GPC5: variants seen among roughly 807,000 people sequenced by gnomAD.
GPC5 encodes glypican 5.
Under a neutral mutation model 53.9 loss-of-function variants are expected in GPC5, and 47 were observed. The ratio of observed to expected loss-of-function variants is 0.87; its 90% CI spans 0.69 to 1.11. The LOEUF (loss-of-function observed/expected upper bound fraction) is 1.11, where lower values mean the gene tolerates loss of function less well. GPC5 is among the 50% of genes most tolerant of loss of function. The pLI is 0.00. For missense variants in GPC5, 748 were observed against 713.1 expected (o/e 1.05, Z -0.56); for synonymous variants, 286 against 263.3 (o/e 1.09, Z -0.84).
intron 7 of GPC5, among the ~76,000 whole-genome samples, chr13:92,730,231 G>GA: frequency 6.6e-6 from 1 of 151,320 alleles, no homozygotes; most frequent in Admixed American, 6.6e-5. Flanking sequence ...AGTTTAGAGA[G>GA]AAAAATAAGT....
At chr13:92,217,756 A>G (rs1225033401) in intron 7 of GPC5, among the ~76,000 whole-genome samples, 1 of 152,044 alleles carries the variant, frequency 6.6e-6, no homozygotes, top group Non-Finnish European at 1.5e-5. Flanking sequence ...TTTACAGGCC[A>G]GTTGCCTTGA....
intron 7 of GPC5, among the ~76,000 whole-genome samples, chr13:92,212,052 C>G (rs564865792): frequency 6.6e-6 from 1 of 151,054 alleles, no homozygotes; most frequent in African/African-American, 2.4e-5. Context: ...GAGCCCTGTT[C>G]CGCAGGTGGT....
intron 7 of GPC5, among the ~76,000 whole-genome samples, chr13:92,496,702 A>G (rs911791060): frequency 1.3e-5 from 2 of 152,194 alleles, no homozygotes; most frequent in African/African-American, 4.8e-5. Flanking sequence ...GAAAAGACCC[A>G]GGACAGGAAA....
At chr13:91,917,458 C>G (rs1306578069) in intron 6 of GPC5, among the ~76,000 whole-genome samples, 1 of 152,194 alleles carries the variant, frequency 6.6e-6, no homozygotes, top group African/African-American at 2.4e-5. Context: ...CAGTAGGGTC[C>G]AAGCTGTTGG....
intron 2 of GPC5, among the ~76,000 whole-genome samples, chr13:91,492,512 C>A (rs1303406322): frequency 2.6e-5 from 4 of 152,156 alleles, no homozygotes; most frequent in Non-Finnish European, 5.9e-5. Context: ...GACAGCCTGT[C>A]TCAGCTAAAG....
At chr13:92,394,055 A>G (rs185612707) in intron 7 of GPC5, among the ~76,000 whole-genome samples, 44 of 152,186 alleles carry the variant, frequency 2.9e-4, no homozygotes, top group African/African-American at 9.4e-4. Flanking sequence ...TCAGTTTCCA[A>G]ACATCAGTGG....
intron 2 of GPC5, among the ~76,000 whole-genome samples, chr13:91,629,692 AT>A (rs2034106276): frequency 6.6e-6 from 1 of 152,154 alleles, no homozygotes; most frequent in East Asian, 1.9e-4. Flanking sequence ...CTTAAAAGGC[AT>A]TTAAACATAT....
chr13:91,636,782 C>T (rs541573532), intron 2 of GPC5, among the ~76,000 whole-genome samples: 1 of 151,970 alleles, frequency 6.6e-6, no homozygotes, highest in African/African-American at 2.4e-5. Context: ...AAGTGAGACA[C>T]TGTCCCTGCA....
At chr13:92,220,754 A>G (rs2042442875) in intron 7 of GPC5, among the ~76,000 whole-genome samples, 1 of 151,982 alleles carries the variant, frequency 6.6e-6, no homozygotes, top group African/African-American at 2.4e-5. Context: ...TTCATTTGTC[A>G]TCTTACTTTG....
chr13:92,224,430 G>A (rs1227321679), intron 7 of GPC5, among the ~76,000 whole-genome samples: 1 of 152,150 alleles, frequency 6.6e-6, no homozygotes, highest in Non-Finnish European at 1.5e-5. Flanking sequence ...GTTAGTAATT[G>A]TACAAACGAG....
chr13:92,030,284 A>G (rs913121726), intron 6 of GPC5, among the ~76,000 whole-genome samples: 2 of 152,170 alleles, frequency 1.3e-5, no homozygotes, highest in African/African-American at 4.8e-5. Context: ...TCCTGTTCCA[A>G]TAGTTGCAGT....
At chr13:92,235,889 T>C (rs1318345372) in intron 7 of GPC5, among the ~76,000 whole-genome samples, 2 of 152,128 alleles carry the variant, frequency 1.3e-5, no homozygotes, top group African/African-American at 4.8e-5. Flanking sequence ...GTATTTTTAG[T>C]TGTGCTTGAA....
intron 2 of GPC5, among the ~76,000 whole-genome samples, chr13:91,526,883 T>C (rs984621608): frequency 2.0e-5 from 3 of 151,830 alleles, no homozygotes; most frequent in Admixed American, 6.6e-5. Context: ...ACAGGGGAAA[T>C]TGACACTTTT....
intron 7 of GPC5, among the ~76,000 whole-genome samples, chr13:92,692,785 C>G (rs1340814506): frequency 1.5e-5 from 1 of 65,336 alleles, no homozygotes; most frequent in Non-Finnish European, 2.7e-5. Context: ...TTACATTTTA[C>G]CAAAAGCCAC....
At chr13:92,196,381 C>T (rs539452034) in intron 7 of GPC5, among the ~76,000 whole-genome samples, 1 of 152,142 alleles carries the variant, frequency 6.6e-6, no homozygotes, top group South Asian at 2.1e-4. Flanking sequence ...TGTACAAAGG[C>T]ACTTAATACA....
chr13:91,464,944 G>C (rs1882147700), intron 2 of GPC5, among the ~76,000 whole-genome samples: 1 of 152,096 alleles, frequency 6.6e-6, no homozygotes, highest in Non-Finnish European at 1.5e-5. Flanking sequence ...CTGAGTAAAG[G>C]GTGCAAGGGA....
At chr13:91,616,968 T>A (rs1176243341) in intron 2 of GPC5, among the ~76,000 whole-genome samples, 1 of 152,100 alleles carries the variant, frequency 6.6e-6, no homozygotes, top group Non-Finnish European at 1.5e-5. Flanking sequence ...GTGTTCAAAT[T>A]TCTACTTAAA....
intron 7 of GPC5, among the ~76,000 whole-genome samples, chr13:92,640,186 T>G (rs1433961637): frequency 6.6e-6 from 1 of 152,084 alleles, no homozygotes; most frequent in Non-Finnish European, 1.5e-5. Context: ...ATGTATTATT[T>G]TTCTCCTAAT....
intron 6 of GPC5, among the ~76,000 whole-genome samples, chr13:92,101,149 G>T (rs2041463578): frequency 2.0e-5 from 3 of 152,074 alleles, no homozygotes; most frequent in Non-Finnish European, 4.4e-5. Flanking sequence ...AACATCAAAT[G>T]AGAAACATAT....
Sources: gnomAD v4.1 joint callset for allele counts (sites outside exome capture counted in the v4.1 genomes callset) on GRCh38, gnomAD v4.1.1 for gene constraint, MANE v1.5 for transcripts, NCBI Gene and HGNC (gene_info 2026-07-23, HGNC 2026-07-21) for gene names.